The following UBR1 variants were observed in gnomAD, a reference collection of about 807,000 sequenced individuals.
UBR1 encodes the protein ubiquitin protein ligase E3 component n-recognin 1, also known as E3 ubiquitin-protein ligase UBR1.
Under a neutral mutation model 242.1 loss-of-function variants are expected in UBR1, and 102 were observed. That is an observed-to-expected ratio of 0.42 (90% CI 0.36 to 0.50). The LOEUF (loss-of-function observed/expected upper bound fraction) is 0.50. UBR1 is among the 20% of genes least tolerant of loss of function. The pLI, the probability that UBR1 is intolerant of heterozygous loss-of-function variation, is 0.01. For missense variants in UBR1, 1,772 were observed against 2,101.8 expected (o/e 0.84, Z 3.07); for synonymous variants, 675 against 684.8 (o/e 0.99, Z 0.22).
chr15:42,976,944 G>C (rs1210321677), intron 38 of UBR1, 77 bp from the exon 39 acceptor site: 26 of 1,493,276 alleles, frequency 1.7e-5, no homozygotes, highest in Non-Finnish European at 2.1e-5. Flanking sequence ...TAAATGTGAA[G>C]GGCAGCAGAT....
At chr15:43,105,406 A>G (rs888848434) in intron 1 of UBR1, among the ~76,000 whole-genome samples, 8 of 152,216 alleles carry the variant, frequency 5.3e-5, no homozygotes, top group Non-Finnish European at 8.8e-5. Flanking sequence ...ACCTTTAAAA[A>G]GTAGCGACAG....
intron 4 of UBR1, among the ~76,000 whole-genome samples, chr15:43,072,006 T>G (rs780297409): frequency 2.0e-5 from 3 of 152,194 alleles, no homozygotes; most frequent in Non-Finnish European, 4.4e-5. Flanking sequence ...CTCAGCCTCC[T>G]GAGTAACTAG....
intron 12 of UBR1, among the ~76,000 whole-genome samples, chr15:43,050,664 C>T (rs1313216034): frequency 6.8e-6 from 1 of 147,240 alleles, no homozygotes. Flanking sequence ...ACTGAGGTTG[C>T]AGTGAGCCAA....
At chr15:43,092,024 C>T in intron 1 of UBR1, 1 of 445,574 alleles carries the variant, frequency 2.2e-6, no homozygotes. Context: ...AGGGAGAGGT[C>T]AGTGAGCGGA....
Position 43,022,810 on chromosome 15 carries a change from G to A in UBR1, c.2740-9C>T, listed in dbSNP as rs772504224. 7 of 1,578,374 alleles carry A rather than the reference G, an allele frequency of 4.4e-6. No individual in the cohort carries two copies. In the South Asian group the frequency reaches 6.7e-5, roughly 15 times the overall value. On this transcript the variant is annotated splice_polypyrimidine_tract_variant and intron_variant, in intron 25 of 46. Transcript: ENST00000290650. ...GCCAGAATATGAAAAGCCTGAAGGA[G>A]GAAAATAAGAGATCTTTAAAATTGC...
At chr15:43,058,829 G>C (rs562859934) in intron 9 of UBR1, among the ~76,000 whole-genome samples, 1 of 152,122 alleles carries the variant, frequency 6.6e-6, no homozygotes, top group South Asian at 2.1e-4. Context: ...TACATGTATA[G>C]ACACATACAT....
intron 3 of UBR1, 74 bp from the exon 4 acceptor site, chr15:43,075,163 A>G (rs771976255): frequency 1.0e-4 from 114 of 1,130,436 alleles, no homozygotes; most frequent in Non-Finnish European, 1.2e-4. Flanking sequence ...AGATGACTCA[A>G]ATAATAAATG....
intron 30 of UBR1, among the ~76,000 whole-genome samples, chr15:43,005,849 C>T (rs2032817717): frequency 6.7e-6 from 1 of 149,202 alleles, no homozygotes; most frequent in African/African-American, 2.5e-5. Context: ...GGATTAAGGG[C>T]GGGGCAAGAT....
At chr15:42,956,945 G>A (rs189868215) in intron 44 of UBR1, among the ~76,000 whole-genome samples, 3 of 152,310 alleles carry the variant, frequency 2.0e-5, no homozygotes, top group East Asian at 1.9e-4. Context: ...TGCAACCACT[G>A]TGGAAAACAG....
intron 20 of UBR1, among the ~76,000 whole-genome samples, chr15:43,030,815 G>A (rs2033246355): frequency 6.6e-6 from 1 of 152,136 alleles, no homozygotes. Flanking sequence ...ATCTATAAGA[G>A]GGTTACAAAG....
chr15:43,072,327 A>G (rs2033833233), intron 4 of UBR1, among the ~76,000 whole-genome samples: 1 of 151,864 alleles, frequency 6.6e-6, no homozygotes, highest in Non-Finnish European at 1.5e-5. Context: ...CTGGTCTCAA[A>G]TAAGCCTCCT....
In UBR1 at chr15:43,024,954, A is replaced by T. The variant is rs749961748; in HGVS notation, c.2614T>A (p.Cys872Ser). The T allele has an allele frequency of 3.1e-6, 5 of 1,614,220 alleles. No individual in the cohort carries two copies. The highest frequency in any genetic ancestry group is 4.2e-6 in the Non-Finnish European group (5 of 1,180,026). Residue 872 changes from cysteine (C) to serine (S), a missense_variant, in exon 25 of 47, where the codon TGC becomes AGC. By Grantham distance (112) the Cys-to-Ser change is moderately radical. Around this residue, in one of 3 missense-constraint regions of UBR1, gnomAD observed 965 missense variants for 1,079.7 expected, o/e 0.89. Coordinates refer to ENST00000290650, the MANE Select transcript of UBR1 (RefSeq NM_174916.3). ...TTAATCACTTTGCTGAAAGCAGGGC[A>T]GAATTCAGGAGGTGGTGGTGGCGGC... Reference protein sequence around the residue: ...ALPPPPPPEFCPAFSKVINLL... With the variant: ...ALPPPPPPEFSPAFSKVINLL...
intron 12 of UBR1, among the ~76,000 whole-genome samples, chr15:43,053,338 A>C (rs1567137785): frequency 6.6e-6 from 1 of 152,232 alleles, no homozygotes; most frequent in African/African-American, 2.4e-5. Flanking sequence ...GCACCACTTA[A>C]CTGGATATAA....
chr15:43,032,122 A>G (rs1228080300), intron 20 of UBR1, among the ~76,000 whole-genome samples: 2 of 152,200 alleles, frequency 1.3e-5, no homozygotes, highest in Non-Finnish European at 2.9e-5. Flanking sequence ...CATAGCATAT[A>G]TTTGTATTCA....
intron 1 of UBR1, among the ~76,000 whole-genome samples, chr15:43,104,636 T>G (rs1050281827): frequency 6.6e-6 from 1 of 152,034 alleles, no homozygotes. Context: ...AGTTGACTCA[T>G]GCCGTAGCTC....
At position 43,015,708 on chromosome 15, in the gene UBR1, A is replaced by G. The variant is rs769579538; in HGVS notation, c.3189T>C (p.Asp1063=). 1 of 1,614,008 alleles carries G rather than the reference A, an allele frequency of 6.2e-7. No individual in the cohort carries two copies. Among genetic ancestry groups the G allele is most frequent in the South Asian group, 1.1e-5 (1 of 91,076 alleles). ...TTTACCTCTCTTCCTCCATAATGGA[A>G]TCTTCTTTCCCAGGCATTTCTGATG... ...DNTSEMPGKE[D]SIMEEESTPA... Residue 1063 remains aspartate, a synonymous_variant, in exon 29 of 47, where the codon GAT becomes GAC. Transcript: ENST00000290650.
intron 4 of UBR1, among the ~76,000 whole-genome samples, chr15:43,072,535 T>C (rs567680537): frequency 1.3e-5 from 2 of 152,338 alleles, no homozygotes; most frequent in South Asian, 4.1e-4. Flanking sequence ...CTTCCCTAAA[T>C]TCCTTGGTAG....
chr15:43,034,183 A>AG (rs1455745725), intron 19 of UBR1, among the ~76,000 whole-genome samples: 14 of 151,828 alleles, frequency 9.2e-5, no homozygotes, highest in African/African-American at 2.9e-4. Flanking sequence ...GGCTGCAGTG[A>AG]GCCGATTGTG....
intron 2 of UBR1, 120 bp downstream of exon 2, chr15:43,085,864 T>A (rs543415897): frequency 1.8e-6 from 2 of 1,090,436 alleles, no homozygotes; most frequent in African/African-American, 3.3e-5. Flanking sequence ...TGCAGTGACG[T>A]GACCGGAGAT....
Sources: allele counts gnomAD v4.1 joint callset (sites outside exome capture counted in the v4.1 genomes callset), GRCh38; gene constraint gnomAD v4.1.1; regional missense constraint gnomAD v4.1.1; transcripts MANE v1.5; gene names NCBI Gene and HGNC (gene_info 2026-07-23, HGNC 2026-07-21).